CPED1: variants seen among roughly 807,000 people sequenced by gnomAD.
CPED1 encodes cadherin like and PC-esterase domain containing 1, also known as cadherin-like and PC-esterase domain-containing protein 1.
Under a neutral mutation model 128.2 loss-of-function variants are expected in CPED1, and 114 were observed. That is an observed-to-expected ratio of 0.89 (90% CI 0.76 to 1.04). The LOEUF (loss-of-function observed/expected upper bound fraction) is 1.04. Ranked by LOEUF, CPED1 falls within the 50% of genes least tolerant of loss-of-function variation. The pLI, the probability that CPED1 is intolerant of heterozygous loss-of-function variation, is 0.00. For missense variants in CPED1, 1,211 were observed against 1,207.1 expected (o/e 1.00, Z -0.05); for synonymous variants, 462 against 426.7 (o/e 1.08, Z -1.02).
intron 16 of CPED1, among the ~76,000 whole-genome samples, chr7:121,184,325 C>T (rs775707181): frequency 6.6e-6 from 1 of 151,914 alleles, no homozygotes; most frequent in Non-Finnish European, 1.5e-5. Flanking sequence ...GAGGGCAAAC[C>T]AACAGTTTTT....
chr7:121,002,788 T>C (rs1213791562), intron 2 of CPED1, among the ~76,000 whole-genome samples: 2 of 152,212 alleles, frequency 1.3e-5, no homozygotes, highest in Non-Finnish European at 2.9e-5. Context: ...CTTCACAAGC[T>C]AGAATTGTCT....
chr7:121,112,698 C>T (rs555642037), intron 7 of CPED1, among the ~76,000 whole-genome samples: 2 of 152,066 alleles, frequency 1.3e-5, no homozygotes, highest in Admixed American at 6.5e-5. Flanking sequence ...TCTCATTGGC[C>T]AAAGAACATC....
At chr7:121,138,347 G>T (rs1052681247) in intron 14 of CPED1, among the ~76,000 whole-genome samples, 3 of 152,050 alleles carry the variant, frequency 2.0e-5, no homozygotes, top group Non-Finnish European at 1.5e-5. Flanking sequence ...TAGATCTCAG[G>T]TAAGCTGGCC....
intron 7 of CPED1, among the ~76,000 whole-genome samples, chr7:121,105,526 T>A (rs1480175045): frequency 6.6e-6 from 1 of 152,116 alleles, no homozygotes. Flanking sequence ...AGAATGTGAA[T>A]AAAAGTCTTC....
intron 5 of CPED1, among the ~76,000 whole-genome samples, chr7:121,082,549 C>T (rs749134687): frequency 2.6e-4 from 40 of 151,972 alleles, no homozygotes; most frequent in Admixed American, 3.3e-4. Context: ...GATAGATTAC[C>T]CTAAAATAAA....
In CPED1 at chr7:121,295,751, G is replaced by C; in HGVS notation, c.*99G>C. Reference sequence around the variant, plus strand: ...CTGCACATCGCACACATTTGGGATCGACCACACACACTTGTGCACACCAGC... The same window carrying C: ...CTGCACATCGCACACATTTGGGATCCACCACACACACTTGTGCACACCAGC... On this transcript the variant is annotated 3_prime_UTR_variant, in exon 23 of 23. Transcript: ENST00000310396. 1 of 919,704 alleles carries C rather than the reference G, an allele frequency of 1.1e-6. No homozygotes were observed. The highest frequency in any genetic ancestry group is 1.7e-6 in the Non-Finnish European group (1 of 579,248). 57.0% of individuals were successfully genotyped at this position (919,704 alleles called of 1,614,324 possible). A position where few individuals can be genotyped will look rare whatever the true frequency, so the allele number is the denominator to read the frequency against.
intron 3 of CPED1, among the ~76,000 whole-genome samples, chr7:121,024,639 T>C (rs1792525081): frequency 6.6e-6 from 1 of 152,214 alleles, no homozygotes; most frequent in Non-Finnish European, 1.5e-5. Context: ...AAATGCAGCA[T>C]TGAAAATTTG....
intron 2 of CPED1, among the ~76,000 whole-genome samples, chr7:120,998,401 A>T (rs1796446563): frequency 6.6e-6 from 1 of 152,166 alleles, no homozygotes; most frequent in Non-Finnish European, 1.5e-5. Flanking sequence ...CTGAATATGG[A>T]TATATTATCA....
intron 12 of CPED1, among the ~76,000 whole-genome samples, chr7:121,130,531 C>G (rs1795636297): frequency 6.6e-6 from 1 of 152,032 alleles, no homozygotes; most frequent in Non-Finnish European, 1.5e-5. Context: ...CTTGACTCCA[C>G]TATAATGTTT....
intron 18 of CPED1, among the ~76,000 whole-genome samples, chr7:121,250,508 C>T (rs1405706953): frequency 6.6e-6 from 1 of 151,996 alleles, no homozygotes; most frequent in African/African-American, 2.4e-5. Context: ...ACAAAAAACC[C>T]TTCAAAAAAT....
At chr7:121,148,824 G>C (rs1037674649) in intron 16 of CPED1, among the ~76,000 whole-genome samples, 5 of 152,094 alleles carry the variant, frequency 3.3e-5, no homozygotes, top group Non-Finnish European at 5.9e-5. Flanking sequence ...TTGATATAAA[G>C]ACAAATGTAT....
chr7:121,177,813 C>T (rs561754126), intron 16 of CPED1, among the ~76,000 whole-genome samples: 1 of 152,098 alleles, frequency 6.6e-6, no homozygotes, highest in South Asian at 2.1e-4. Context: ...TCCTTCCATG[C>T]AGGAAGCATC....
chr7:121,090,907 C>T (rs2116185303), intron 5 of CPED1, among the ~76,000 whole-genome samples: 1 of 152,004 alleles, frequency 6.6e-6, no homozygotes, highest in South Asian at 2.1e-4. Context: ...CGAGATCCTG[C>T]CACTGGCACT....
At chr7:121,113,816 T>C (rs1262213474) in intron 7 of CPED1, among the ~76,000 whole-genome samples, 2 of 152,224 alleles carry the variant, frequency 1.3e-5, no homozygotes, top group Middle Eastern at 3.4e-3. Context: ...TTCTCAGATA[T>C]AGTCTTATTT....
intron 14 of CPED1, among the ~76,000 whole-genome samples, chr7:121,138,315 G>A (rs1762935146): frequency 6.6e-6 from 1 of 152,118 alleles, no homozygotes; most frequent in South Asian, 2.1e-4. Context: ...TGCTACCACC[G>A]TACCTCGTGC....
intron 3 of CPED1, among the ~76,000 whole-genome samples, chr7:121,038,961 A>G (rs2116881303): frequency 6.6e-6 from 1 of 152,246 alleles, no homozygotes; most frequent in South Asian, 2.1e-4. Flanking sequence ...TAACCTGATT[A>G]TCTGACTGAG....
chr7:121,076,765 G>A (rs1193527606), intron 5 of CPED1: 1 of 152,098 alleles, frequency 6.6e-6, no homozygotes, highest in Non-Finnish European at 1.5e-5. Flanking sequence ...GAATAAATCT[G>A]CTATTTCTTG....
At chr7:121,215,354 GTATT>G (rs1421759166) in intron 16 of CPED1, among the ~76,000 whole-genome samples, 1 of 151,984 alleles carries the variant, frequency 6.6e-6, no homozygotes, top group Non-Finnish European at 1.5e-5. Context: ...AGTTCAGCAA[GTATT>G]TATTATTGCA....
intron 22 of CPED1, among the ~76,000 whole-genome samples, chr7:121,273,019 T>C (rs1272225740): frequency 6.6e-6 from 1 of 152,110 alleles, no homozygotes; most frequent in Non-Finnish European, 1.5e-5. Flanking sequence ...GAATATGATT[T>C]TTTTTTGGCT....
Sources: gnomAD v4.1 joint callset for allele counts (sites outside exome capture counted in the v4.1 genomes callset) on GRCh38, gnomAD v4.1.1 for gene constraint, MANE v1.5 for transcripts, NCBI Gene and HGNC (gene_info 2026-07-23, HGNC 2026-07-21) for gene names.